NISCH: variants seen among roughly 807,000 people sequenced by gnomAD.
NISCH encodes the protein I-1 receptor candidate protein.
In NISCH, 55 loss-of-function variants were observed where a neutral mutation model predicts 138.4. That is an observed-to-expected ratio of 0.40 (90% confidence interval 0.32 to 0.50). The LOEUF (loss-of-function observed/expected upper bound fraction) is 0.50, where lower values mean the gene tolerates loss of function less well. NISCH is among the 20% of genes least tolerant of loss of function. The pLI is 0.71. For synonymous variants in NISCH, 860 were observed against 861.5 expected (o/e 1.00, Z 0.03); for missense variants, 1,643 against 2,005.5 (o/e 0.82, Z 3.45).
In NISCH at chr3:52,471,901, C is replaced by G. The variant is rs557369243; in HGVS notation, c.497C>G (p.Pro166Arg). 13 of 1,613,082 alleles carry G rather than the reference C, an allele frequency of 8.1e-6. No homozygotes were observed. In the South Asian group the frequency reaches 1.1e-4, roughly 14 times the overall value. ...ACGGAGCAGCTGCAGCAGGGAAAGC[C>G]CACGTGCGCCAGTGGGGATGCCAAG... ...AVTEQLQQGK[P>R]TCASGDAKTD... The change falls in exon 5 of 21, where the codon CCC (proline) becomes CGC (arginine). Residue 166 changes from proline to arginine, a missense_variant. Pro to Arg is a moderately radical substitution (Grantham distance 103, BLOSUM62 -2). Transcript: ENST00000345716.
Position 52,473,697 on chromosome 3 carries a change from G to C in NISCH, c.670-37G>C, listed in dbSNP as rs1707012440. Reference sequence around the variant, plus strand: ...ATCTGGGGACTTCTGACGGAGCAAGGATTCTGTTTCTGAGATGCAGCTGTT... The same window carrying C: ...ATCTGGGGACTTCTGACGGAGCAAGCATTCTGTTTCTGAGATGCAGCTGTT... On this transcript the variant is annotated intron_variant, in intron 6 of 20. Coordinates refer to ENST00000345716, the MANE Select transcript of NISCH (RefSeq NM_007184.4). 2.1e-6 allele frequency: 3 copies of C among 1,449,550 alleles called. No individual in the cohort carries two copies. The African/African-American group carries it at 4.2e-5, about 20-fold the overall frequency. 89.8% of individuals were successfully genotyped at this position (1,449,550 alleles called of 1,614,324 possible). A position where few individuals can be genotyped will look rare whatever the true frequency, so the allele number is the denominator to read the frequency against.
chr3:52,467,659 T>G (rs1343551056), intron 3 of NISCH, among the ~76,000 whole-genome samples: 1 of 152,248 alleles, frequency 6.6e-6, no homozygotes, highest in East Asian at 1.9e-4. Context: ...CAAATTGCTT[T>G]GAGATTCCTT....
At chr3:52,463,312 G>A (rs1270881138) in intron 3 of NISCH, among the ~76,000 whole-genome samples, 2 of 152,222 alleles carry the variant, frequency 1.3e-5, no homozygotes, top group Non-Finnish European at 2.9e-5. Flanking sequence ...CGGAGTAATA[G>A]TGTATTATTT....
rs770372032 is a variant in NISCH, at chr3:52,487,469, C to T, written c.1977C>T (p.Pro659=). 15 of 1,602,356 alleles carry T rather than the reference C, an allele frequency of 9.4e-6. No homozygotes were observed. The highest frequency in any genetic ancestry group is 1.3e-5 in the Non-Finnish European group (15 of 1,172,080). Residue 659 remains proline (P), a synonymous_variant, in exon 16 of 21, where the codon CCC becomes CCT. Coordinates refer to ENST00000345716, the MANE Select transcript of NISCH (RefSeq NM_007184.4). The surrounding 1 kb of genome is among the most constrained non-coding windows in gnomAD (Gnocchi z 9.1). The part of the protein sequence containing the change: ...VAENRYFEMG[P]PDVEEEEGGG... ...AGAACCGCTACTTTGAAATGGGGCC[C>T]CCAGACGTGGAGGAGGAGGAGGGAG...
chr3:52,489,218 C>A, intron 16 of NISCH, 118 bp from the exon 17 acceptor site: 1 of 1,254,186 alleles, frequency 8.0e-7, no homozygotes, highest in Non-Finnish European at 1.1e-6. Flanking sequence ...TGGTGGAAGT[C>A]CCCAGTAACC....
chr3:52,472,353 C>T lies in NISCH; in HGVS notation c.624C>T (p.Leu208=), dbSNP rs1445156462. ...GGACCAGCAACATTCAGGAGCAGCTCCTGCCGTTCGACCTATCAATATTCA... is the reference window on the plus strand; with the variant it reads ...GGACCAGCAACATTCAGGAGCAGCTTCTGCCGTTCGACCTATCAATATTCA... The part of the protein sequence containing the change: ...PFGTSNIQEQ[L]LPFDLSIFKS... The change falls in exon 6 of 21, where the codon CTC becomes CTT. Residue 208 remains leucine, a synonymous_variant. Coordinates refer to ENST00000345716, the MANE Select transcript of NISCH (RefSeq NM_007184.4). The T allele has an allele frequency of 6.2e-7, 1 of 1,614,166 alleles. No individual in the cohort carries two copies. The highest frequency in any genetic ancestry group is 8.5e-7 in the Non-Finnish European group (1 of 1,180,038).
At chr3:52,479,386 C>G (rs989703861) in intron 11 of NISCH, among the ~76,000 whole-genome samples, 1 of 152,180 alleles carries the variant, frequency 6.6e-6, no homozygotes, top group African/African-American at 2.4e-5. Flanking sequence ...CCTCCCACCT[C>G]TAACTGGGGG....
At position 52,470,861 on chromosome 3, in the gene NISCH, G is replaced by T. The variant is rs976212818; in HGVS notation, c.363G>T (p.Glu121Asp). ...GGCAAATTTTGTGTTCTCTGCAGGA[G>T]ATAAATGGCATCACCGCGGCACTGG... Reference protein sequence around the residue: ...LAHFLHFHFYEINGITAALAE... With the variant: ...LAHFLHFHFYDINGITAALAE... Residue 121 changes from glutamate (E) to aspartate (D), a missense_variant and splice_region_variant, in exon 4 of 21, where the codon GAG (glutamate) becomes GAT (aspartate). By Grantham distance (45) the Glu-to-Asp change is conservative. Transcript: ENST00000345716. 2 of 1,614,118 alleles carry T rather than the reference G, an allele frequency of 1.2e-6. No individual in the cohort carries two copies. The highest frequency in any genetic ancestry group is 3.3e-5 in the Admixed American group (2 of 60,010).
intron 1 of NISCH, 60 bp downstream of exon 1, chr3:52,455,794 C>CG: frequency 8.3e-7 from 1 of 1,208,016 alleles, no homozygotes. Flanking sequence ...GAGTCCGACT[C>CG]GGGGGCTTGG....
chr3:52,455,799 G>A, intron 1 of NISCH, 65 bp downstream of exon 1: 1 of 1,181,358 alleles, frequency 8.5e-7, no homozygotes, highest in Non-Finnish European at 1.1e-6. Flanking sequence ...CGACTCGGGG[G>A]CTTGGGGAGG....
chr3:52,479,620 T>G (rs940265553), intron 11 of NISCH, 129 bp from the exon 12 acceptor site: 18 of 708,766 alleles, frequency 2.5e-5, no homozygotes, highest in South Asian at 1.6e-4. Context: ...TGCTCACGCC[T>G]CCTCCTCAGC....
chr3:52,490,286 C>T, intron 18 of NISCH, 55 bp downstream of exon 18: 2 of 1,583,576 alleles, frequency 1.3e-6, no homozygotes, highest in Non-Finnish European at 1.7e-6. Flanking sequence ...TTGGGGCAGG[C>T]CTGGGGGGTC....
rs1183478558 is a variant in NISCH, at chr3:52,471,904, C to T, written c.500C>T (p.Thr167Met). Residue 167 changes from threonine to methionine, a missense_variant, in exon 5 of 21, where the codon ACG becomes ATG. Physicochemically the swap from Thr to Met is moderately conservative, Grantham distance 81. Transcript: ENST00000345716. ...VTEQLQQGKP[T>M]CASGDAKTDL... ...GAGCAGCTGCAGCAGGGAAAGCCCACGTGCGCCAGTGGGGATGCCAAGACC... is the reference window on the plus strand; with the variant it reads ...GAGCAGCTGCAGCAGGGAAAGCCCATGTGCGCCAGTGGGGATGCCAAGACC... 4.3e-6 allele frequency: 7 copies of T among 1,612,990 alleles called. No homozygotes were observed. Among genetic ancestry groups the T allele is most frequent in the East Asian group, 2.2e-5 (1 of 44,836 alleles).
At chr3:52,477,715 G>A (rs1309237868) in intron 9 of NISCH, 73 bp downstream of exon 9, 11 of 1,316,312 alleles carry the variant, frequency 8.4e-6, no homozygotes, top group Admixed American at 3.4e-5. Context: ...GGAGACTGAC[G>A]CAGCCTTGGG....
In NISCH at chr3:52,490,120, T is replaced by G. The variant is rs755926559; in HGVS notation, c.3502T>G (p.Phe1168Val). ...LRHLMWSSVV[F>V]YQTPGLEVTA... is the part of the protein sequence containing the mutation. ...GCACCTCATGTGGTCCTCGGTGGTGTTCTACCAGACCCCAGGGCTGGAGGT... is the reference window on the plus strand; with the variant it reads ...GCACCTCATGTGGTCCTCGGTGGTGGTCTACCAGACCCCAGGGCTGGAGGT... The change falls in exon 18 of 21, where the codon TTC (phenylalanine) becomes GTC (valine). Residue 1168 changes from phenylalanine to valine, a missense_variant. By Grantham distance (50) the Phe-to-Val change is conservative (BLOSUM62 -1). Coordinates refer to ENST00000345716, the MANE Select transcript of NISCH (RefSeq NM_007184.4). 2.1e-5 allele frequency: 34 copies of G among 1,613,452 alleles called. No homozygotes were observed. The highest frequency in any genetic ancestry group is 4.4e-5 in the South Asian group (4 of 91,070).
At chr3:52,463,373 G>C (rs1251029406) in intron 3 of NISCH, among the ~76,000 whole-genome samples, 2 of 152,160 alleles carry the variant, frequency 1.3e-5, no homozygotes, top group African/African-American at 4.8e-5. Context: ...TGTTAGGTTT[G>C]TTTCCATTTT....
At chr3:52,491,617 C>G in intron 20 of NISCH, 104 bp downstream of exon 20, 2 of 1,320,698 alleles carry the variant, frequency 1.5e-6, no homozygotes, top group South Asian at 3.0e-5. Context: ...CTATGTCTCT[C>G]TTTTCTCACT....
In NISCH at chr3:52,491,482, C is replaced by T; in HGVS notation, c.3873C>T (p.Asp1291=). 1 of 1,613,190 alleles carries T rather than the reference C, an allele frequency of 6.2e-7. No homozygotes were observed. Among genetic ancestry groups the T allele is most frequent in the Admixed American group, 1.7e-5 (1 of 59,980 alleles). Residue 1291 remains aspartate (D), a synonymous_variant, in exon 20 of 21, where the codon GAC becomes GAT. Coordinates refer to ENST00000345716, the MANE Select transcript of NISCH (RefSeq NM_007184.4). ...RTPSPEPVDK[D]FYSEFGNKTT... is the part of the protein sequence containing the mutation. ...CCTCGCCGGAGCCTGTTGACAAGGA[C>T]TTCTACTCCGAGTTTGGGAACAAGA...
At position 52,490,187 on chromosome 3, in the gene NISCH, T is replaced by A; in HGVS notation, c.3569T>A (p.Val1190Glu). The A allele has an allele frequency of 6.2e-7, 1 of 1,613,384 alleles. No homozygotes were observed. Among genetic ancestry groups the A allele is most frequent in the Non-Finnish European group, 8.5e-7 (1 of 1,180,012 alleles). Residue 1190 changes from valine (V) to glutamate (E), a missense_variant, in exon 18 of 21, where the codon GTG becomes GAG. Transcript: ENST00000345716. ...VLLSTKAVYF[V>E]LHDGLRRYFS... Reference sequence around the variant, plus strand: ...CTCTCCACCAAGGCTGTGTACTTTGTGCTCCACGACGGCCTCCGCCGCTAC... The same window carrying A: ...CTCTCCACCAAGGCTGTGTACTTTGAGCTCCACGACGGCCTCCGCCGCTAC...
Sources: allele counts gnomAD v4.1 joint callset (sites outside exome capture counted in the v4.1 genomes callset), GRCh38; gene constraint gnomAD v4.1.1; non-coding constraint Gnocchi (gnomAD v3.1); transcripts MANE v1.5; gene names NCBI Gene and HGNC (gene_info 2026-07-23, HGNC 2026-07-21).